DLGAP1: variants seen among roughly 807,000 people sequenced by gnomAD.
The protein encoded by DLGAP1 is disks large-associated protein 1.
A neutral mutation model predicts 90.8 loss-of-function variants in DLGAP1; 11 were observed. The observed-to-expected ratio is 0.12, with a 90% CI of 0.08 to 0.20. DLGAP1 has a LOEUF of 0.20. Among genes scored for constraint, DLGAP1 ranks in the 10% least tolerant of loss-of-function variants. The pLI, the probability that DLGAP1 is intolerant of heterozygous loss-of-function variation, is 1.00. For synonymous variants in DLGAP1, 558 were observed against 540.7 expected, an observed-to-expected ratio of 1.03 and a Z score of -0.44; for missense variants, 1,050 against 1,333.8, an observed-to-expected ratio of 0.79 and a Z score of 3.31.
chr18:3,578,998 A>G (rs971474253), intron 8 of DLGAP1, among the ~76,000 whole-genome samples: 4 of 152,272 alleles, frequency 2.6e-5, no homozygotes, highest in African/African-American at 4.8e-5. Flanking sequence ...TTTCTCCCCA[A>G]TGGTATACGT....
intron 10 of DLGAP1, among the ~76,000 whole-genome samples, chr18:3,529,480 C>T (rs2051854894): frequency 6.6e-6 from 1 of 151,956 alleles, no homozygotes; most frequent in Non-Finnish European, 1.5e-5. Context: ...TTTTTTTTAG[C>T]TAATTAGGAA....
chr18:4,286,382 A>T (rs2079692129), intron 1 of DLGAP1, among the ~76,000 whole-genome samples: 1 of 152,140 alleles, frequency 6.6e-6, no homozygotes, highest in Non-Finnish European at 1.5e-5. Flanking sequence ...TAGAATGTTC[A>T]AGATTTGGGG....
At chr18:4,320,788 G>A (rs140833882) in intron 1 of DLGAP1, among the ~76,000 whole-genome samples, 230 of 149,666 alleles carry the variant, frequency 1.5e-3, no homozygotes, top group African/African-American at 5.3e-3. Flanking sequence ...AAGAAAACCC[G>A]TAAGATTAAA....
chr18:4,089,868 A>AC (rs1185301543), intron 2 of DLGAP1, among the ~76,000 whole-genome samples: 1 of 152,012 alleles, frequency 6.6e-6, no homozygotes, highest in East Asian at 1.9e-4. Context: ...ACACGGTGAA[A>AC]CCCCGTCTCT....
intron 6 of DLGAP1, among the ~76,000 whole-genome samples, chr18:3,739,772 A>G (rs1320687393): frequency 1.8e-5 from 2 of 111,014 alleles, no homozygotes; most frequent in African/African-American, 7.7e-5. Flanking sequence ...AACTTAAAGT[A>G]TAAAAATAAA....
At position 4,204,662 on chromosome 18, in the gene DLGAP1, C is replaced by A. The variant is rs370920095; in HGVS notation, c.-266-53375G>T. On this transcript the variant is annotated intron_variant, in intron 1 of 12. Coordinates refer to ENST00000315677, the MANE Select transcript of DLGAP1 (RefSeq NM_004746.4). ...TATATGGTGTGCTCAATTGAAAAATCTATTACTTAATTAGTTTTAAGAGGT... is the reference window on the plus strand; with the variant it reads ...TATATGGTGTGCTCAATTGAAAAATATATTACTTAATTAGTTTTAAGAGGT... Among the ~76,000 whole-genome samples the A allele has an allele frequency of 7.4e-4, 112 of 152,112 alleles. 2 individuals carry two copies. The South Asian group carries it at 0.022, about 30-fold the overall frequency.
chr18:4,244,019 CTCTTT>C (rs1598711211), intron 1 of DLGAP1, among the ~76,000 whole-genome samples: 1 of 152,082 alleles, frequency 6.6e-6, no homozygotes, highest in East Asian at 1.9e-4. Context: ...TGCTTTCTTG[CTCTTT>C]TTTTTTCTGT....
chr18:4,036,384 GT>G (rs1378449826), intron 2 of DLGAP1, among the ~76,000 whole-genome samples: 1 of 152,158 alleles, frequency 6.6e-6, no homozygotes, highest in Non-Finnish European at 1.5e-5. Flanking sequence ...AAGAAACTGA[GT>G]CCTAACATTA....
At chr18:4,253,863 A>C (rs73376932) in intron 1 of DLGAP1, among the ~76,000 whole-genome samples, 2,939 of 152,228 alleles carry the variant, frequency 0.019, 91 homozygotes, top group African/African-American at 0.066. Context: ...GAATTCAACT[A>C]AATTCCAGTG....
At chr18:4,310,308 G>A (rs2080366972) in intron 1 of DLGAP1, among the ~76,000 whole-genome samples, 2 of 152,016 alleles carry the variant, frequency 1.3e-5, no homozygotes, top group South Asian at 4.2e-4. Context: ...ACATTAGTCA[G>A]CTTGCATATG....
At position 3,551,676 on chromosome 18, in the gene DLGAP1, T is replaced by TTTC. The variant is rs1210750548; in HGVS notation, c.2057+15813_2057+15814insGAA. Reference sequence around the variant, plus strand: ...TCTTTGTCTCTTTCCTTCTTTCTTTTCCCTCCCCTCCCTCCCTCCCTCCCT... The same window carrying TTTC: ...TCTTTGTCTCTTTCCTTCTTTCTTTTTTCCCCTCCCCTCCCTCCCTCCCTCCCT... On this transcript the variant is annotated intron_variant, in intron 9 of 12. Transcript: ENST00000315677. Among the ~76,000 whole-genome samples, 7 of 1,216 alleles carry TTTC rather than the reference T, an allele frequency of 5.8e-3. 1 individual carries two copies. Among genetic ancestry groups the TTTC allele is most frequent in the Admixed American group, 0.016 (2 of 126 alleles). The allele number at this position is 1,216 out of a possible 152,430, so 0.8% of individuals were successfully genotyped here. A position where few individuals can be genotyped will look rare whatever the true frequency, so the allele number is the denominator to read the frequency against.
At chr18:3,828,823 G>A (rs904967621) in intron 4 of DLGAP1, among the ~76,000 whole-genome samples, 2 of 151,976 alleles carry the variant, frequency 1.3e-5, no homozygotes, top group African/African-American at 4.8e-5. Flanking sequence ...CAAAGTCGAT[G>A]GAGCTGGGAA....
At chr18:3,601,041 A>AT (rs1568280546) in intron 7 of DLGAP1, among the ~76,000 whole-genome samples, 2 of 145,084 alleles carry the variant, frequency 1.4e-5, no homozygotes, top group African/African-American at 5.1e-5. Flanking sequence ...TATAGAGATA[A>AT]AGATATAGAT....
At chr18:3,998,695 T>C (rs192328105) in intron 3 of DLGAP1, among the ~76,000 whole-genome samples, 3 of 152,286 alleles carry the variant, frequency 2.0e-5, no homozygotes, top group African/African-American at 7.2e-5. Context: ...ACAGTGTCCT[T>C]TTCCCTGTCA....
At chr18:4,047,486 A>G (rs987072375) in intron 2 of DLGAP1, among the ~76,000 whole-genome samples, 16 of 152,388 alleles carry the variant, frequency 1.0e-4, no homozygotes, top group African/African-American at 3.8e-4. Context: ...AACAGACCAG[A>G]TAATTATGAA....
At chr18:4,162,686 T>C (rs1031951016) in intron 1 of DLGAP1, among the ~76,000 whole-genome samples, 9 of 152,142 alleles carry the variant, frequency 5.9e-5, no homozygotes. Context: ...TAAGTCAACA[T>C]ATATCTTCTT....
intron 1 of DLGAP1, among the ~76,000 whole-genome samples, chr18:4,331,654 AC>A (rs1460421075): frequency 1.3e-5 from 2 of 151,768 alleles, no homozygotes; most frequent in Non-Finnish European, 2.9e-5. Context: ...GCCCTAGATG[AC>A]TGGCGCCCTG....
At chr18:3,663,600 C>T (rs942515910) in intron 7 of DLGAP1, among the ~76,000 whole-genome samples, 1 of 152,104 alleles carries the variant, frequency 6.6e-6, no homozygotes, top group Non-Finnish European at 1.5e-5. Flanking sequence ...CTCTGGAAGC[C>T]CTGAACTGAC....
At chr18:3,630,063 C>T (rs1191605162) in intron 7 of DLGAP1, among the ~76,000 whole-genome samples, 1 of 152,054 alleles carries the variant, frequency 6.6e-6, no homozygotes, top group Non-Finnish European at 1.5e-5. Flanking sequence ...TTGACTGGGC[C>T]ATGTGGTACC....
Sources: gnomAD v4.1 joint callset for allele counts (sites outside exome capture counted in the v4.1 genomes callset) on GRCh38, gnomAD v4.1.1 for gene constraint, MANE v1.5 for transcripts, NCBI Gene and HGNC (gene_info 2026-07-23, HGNC 2026-07-21) for gene names.